ASCL5: variants seen among roughly 807,000 people sequenced by gnomAD.
ASCL5 encodes achaete-scute family bHLH transcription factor 5.
For synonymous variants in ASCL5, 124 were observed against 131.5 expected, an observed-to-expected ratio of 0.94 and a Z score of 0.39; for missense variants, 262 against 268.9, an observed-to-expected ratio of 0.97 and a Z score of 0.18.
rs550886956 is a variant in ASCL5, at chr1:201,125,105, C to A, written c.-506+1979G>T. ...CTGAGAATCCTGGCTTTGCCACTTC[C>A]CAGCTATATGACTTTGAGCAGGCCT... On this transcript the variant is annotated intron_variant, in intron 1 of 1. Transcript: ENST00000449188. 9.8e-5 allele frequency among the ~76,000 whole-genome samples: 15 copies of A among 152,364 alleles called. No individual in the cohort carries two copies. The South Asian group carries it at 3.1e-3, about 32-fold the overall frequency.
At chr1:201,119,114 T>C (rs1451451137) in intron 1 of ASCL5, among the ~76,000 whole-genome samples, 1 of 152,248 alleles carries the variant, frequency 6.6e-6, no homozygotes, top group Non-Finnish European at 1.5e-5. Flanking sequence ...GATGTCCCGC[T>C]GAAGATTCCA....
chr1:201,125,673 G>A lies in ASCL5; in HGVS notation c.-506+1411C>T, dbSNP rs561717856. 1.2e-4 allele frequency among the ~76,000 whole-genome samples: 18 copies of A among 152,238 alleles called. No individual in the cohort carries two copies. In the East Asian group the frequency reaches 3.3e-3, roughly 28 times the overall value. On this transcript the variant is annotated intron_variant, in intron 1 of 1. Transcript: ENST00000449188. ...TGTGTCTTGCTCTTTCAAGGAGCAG[G>A]AGTTCCTTGAAGGGCAGGAACCTCA...
At position 201,115,189 on chromosome 1, in the gene ASCL5, C is replaced by T. The variant is rs1572083437; in HGVS notation, c.184G>A (p.Gly62Arg). The change falls in exon 2 of 2, where the codon GGG becomes AGG. Residue 62 changes from glycine (G) to arginine (R), a missense_variant. Transcript: ENST00000449188. The stretch of plus-strand genomic sequence containing the variant: ...GGGAAGGGCACGTAGGGGAACACCC[C>T]CGCATAGGCGTCGTAGTAGGGCGGC... The part of the protein sequence containing the change: ...AEPPYYDAYA[G>R]VFPYVPFPGA... The T allele has an allele frequency of 8.1e-7, 1 of 1,231,652 alleles. No homozygotes were observed. Among genetic ancestry groups the T allele is most frequent in the Non-Finnish European group, 1.0e-6 (1 of 987,950 alleles). The allele number at this position is 1,231,652 out of a possible 1,614,324, so 76.3% of individuals were successfully genotyped here.
chr1:201,115,454 G>T lies in ASCL5; in HGVS notation c.-82C>A, dbSNP rs760046538. On this transcript the variant is annotated 5_prime_UTR_variant, in exon 2 of 2. Coordinates refer to ENST00000449188, the MANE Select transcript of ASCL5 (RefSeq NM_001270601.2). ...GGTCTGCACCGTCTCCACCAGTGGG[G>T]CAAGTCACATCGCTAGCAGCAGCTC... The T allele has an allele frequency of 2.0e-5, 23 of 1,145,248 alleles. No homozygotes were observed. Among genetic ancestry groups the T allele is most frequent in the Non-Finnish European group, 2.5e-5 (23 of 909,682 alleles). 70.9% of individuals were successfully genotyped at this position (1,145,248 alleles called of 1,614,324 possible).
At chr1:201,124,819 C>A (rs914221496) in intron 1 of ASCL5, among the ~76,000 whole-genome samples, 3 of 152,200 alleles carry the variant, frequency 2.0e-5, no homozygotes, top group Non-Finnish European at 4.4e-5. Flanking sequence ...CTGCAGCCCC[C>A]ACTCCACAGG....
intron 1 of ASCL5, among the ~76,000 whole-genome samples, chr1:201,124,922 G>T (rs888440700): frequency 4.6e-5 from 7 of 152,202 alleles, no homozygotes; most frequent in Admixed American, 3.3e-4. Context: ...CCTCCTGGTG[G>T]CTGAGGCCCT....
rs963919188 is a variant in ASCL5 at position 201,115,020 on chromosome 1, C to T, written c.353G>A (p.Arg118Gln). 1 of 1,231,754 alleles carries T rather than the reference C, an allele frequency of 8.1e-7. No individual in the cohort carries two copies. Among genetic ancestry groups the T allele is most frequent in the African/African-American group, 1.6e-5 (1 of 64,428 alleles). The allele number at this position is 1,231,754 out of a possible 1,614,324, so 76.3% of individuals were successfully genotyped here. ...GHLPGALAEKRLSKVETLRAA... is the reference protein window; with the variant it reads ...GHLPGALAEKQLSKVETLRAA... ...GCGCAGCGTCTCCACCTTGCTGAGT[C>T]GCTTCTCAGCCAGGGCGCCGGGGAG... The change falls in exon 2 of 2, where the codon CGA (arginine) becomes CAA (glutamine). Residue 118 changes from arginine (R) to glutamine (Q), a missense_variant. Transcript: ENST00000449188.
chr1:201,114,833 G>A lies in ASCL5; in HGVS notation c.540C>T (p.Pro180=), dbSNP rs1235687714. The part of the protein sequence containing the change: ...DRPGDGEARA[P]SSLVPESSES... ...CGGATGACTCCGGCACCAGGGAGGA[G>A]GGCGCCCGGGCCTCGCCGTCGCCAG... Residue 180 remains proline, a synonymous_variant, in exon 2 of 2, where the codon CCC becomes CCT. Transcript: ENST00000449188. The A allele has an allele frequency of 9.8e-6, 12 of 1,230,260 alleles. No homozygotes were observed. Among genetic ancestry groups the A allele is most frequent in the African/African-American group, 7.8e-5 (5 of 64,316 alleles). The allele number at this position is 1,230,260 out of a possible 1,614,324, so 76.2% of individuals were successfully genotyped here.
At chr1:201,120,528 G>T (rs1159717841) in intron 1 of ASCL5, among the ~76,000 whole-genome samples, 2 of 152,130 alleles carry the variant, frequency 1.3e-5, no homozygotes, top group African/African-American at 2.4e-5. Flanking sequence ...CCCAACCCAG[G>T]CTGTAAACTG....
chr1:201,124,579 A>T (rs1663545042), intron 1 of ASCL5, among the ~76,000 whole-genome samples: 1 of 152,262 alleles, frequency 6.6e-6, no homozygotes, highest in Non-Finnish European at 1.5e-5. Context: ...TAGGGGCCAC[A>T]GAACAAAAGT....
chr1:201,116,740 C>G (rs1663355706), intron 1 of ASCL5, among the ~76,000 whole-genome samples: 1 of 152,138 alleles, frequency 6.6e-6, no homozygotes, highest in Non-Finnish European at 1.5e-5. Context: ...AAGTTAGGTG[C>G]CATTTTGTCT....
In ASCL5 at chr1:201,115,523, T is replaced by C; in HGVS notation, c.-151A>G. 1 of 502,338 alleles carries C rather than the reference T, an allele frequency of 2.0e-6. No homozygotes were observed. Among genetic ancestry groups the C allele is most frequent in the Non-Finnish European group, 3.1e-6 (1 of 322,376 alleles). The allele number at this position is 502,338 out of a possible 1,614,324, so 31.1% of individuals were successfully genotyped here. On this transcript the variant is annotated 5_prime_UTR_variant, in exon 2 of 2. Coordinates refer to ENST00000449188, the MANE Select transcript of ASCL5 (RefSeq NM_001270601.2). ...TAGGGCCTCTTTTCGCCCTTTAGGG[T>C]GGCTTCCAATGACTCCCTAACAAGA...
intron 1 of ASCL5, among the ~76,000 whole-genome samples, chr1:201,122,025 A>G (rs1663472595): frequency 6.6e-6 from 1 of 152,178 alleles, no homozygotes; most frequent in African/African-American, 2.4e-5. Flanking sequence ...TAGTTTCAAC[A>G]CTGATGGGAG....
chr1:201,125,044 C>T lies in ASCL5; in HGVS notation c.-506+2040G>A, dbSNP rs536925162. 2.0e-3 allele frequency among the ~76,000 whole-genome samples: 307 copies of T among 152,350 alleles called. 1 individual carries two copies. Among genetic ancestry groups the T allele is most frequent in the African/African-American group, 7.0e-3 (290 of 41,580 alleles). On this transcript the variant is annotated intron_variant, in intron 1 of 1. Transcript: ENST00000449188. ...GCTCTCTGAACTTGTCATACGTTGG[C>T]TTACGACCAGGGACTCTGGAGCCAG...
rs763430767 is a variant in ASCL5 at position 201,115,698 on chromosome 1, C to T, written c.-326G>A. 80 of 190,336 alleles carry T rather than the reference C, an allele frequency of 4.2e-4. No individual in the cohort carries two copies. Among genetic ancestry groups the T allele is most frequent in the African/African-American group, 1.8e-3 (76 of 43,082 alleles). 11.8% of individuals were successfully genotyped at this position (190,336 alleles called of 1,614,324 possible). A position where few individuals can be genotyped will look rare whatever the true frequency, so the allele number is the denominator to read the frequency against. ...ACAGACCCGCCCACCCTGCCTCTTG[C>T]TGCCACCCAACATGGGCACCTCAGG... is the stretch of plus-strand genomic sequence containing the variant. On this transcript the variant is annotated 5_prime_UTR_variant, in exon 2 of 2. Coordinates refer to ENST00000449188, the MANE Select transcript of ASCL5 (RefSeq NM_001270601.2).
Position 201,115,334 on chromosome 1 carries a change from C to G in ASCL5, c.39G>C (p.Arg13Ser). ...GCATGCAGCTGGGGGGCCCCAGAGG[C>G]CTCCGGTCCACCAGAGCCCGGCAGA... ...NNFCRALVDR[R>S]PLGPPSCMQL... Residue 13 changes from arginine (R) to serine (S), a missense_variant, in exon 2 of 2, where the codon AGG (arginine) becomes AGC (serine). Transcript: ENST00000449188. The G allele has an allele frequency of 8.1e-7, 1 of 1,231,402 alleles. No homozygotes were observed. The highest frequency in any genetic ancestry group is 1.0e-6 in the Non-Finnish European group (1 of 987,740). The allele number at this position is 1,231,402 out of a possible 1,614,324, so 76.3% of individuals were successfully genotyped here.
intron 1 of ASCL5, among the ~76,000 whole-genome samples, chr1:201,118,952 C>A (rs1231680730): frequency 6.6e-6 from 1 of 152,204 alleles, no homozygotes; most frequent in Non-Finnish European, 1.5e-5. Context: ...TAATCCACCA[C>A]CTCAGTTTCC....
intron 1 of ASCL5, among the ~76,000 whole-genome samples, chr1:201,121,021 C>T (rs1405420157): frequency 6.6e-6 from 1 of 152,242 alleles, no homozygotes; most frequent in Non-Finnish European, 1.5e-5. Flanking sequence ...ATTCCCCTGC[C>T]TCCAGGCAAG....
At chr1:201,121,913 C>A (rs6413915) in intron 1 of ASCL5, among the ~76,000 whole-genome samples, 81,176 of 151,948 alleles carry the variant, frequency 0.53, 23,718 homozygotes, top group African/African-American at 0.77. Flanking sequence ...ATAACCTGTA[C>A]ATATTTCTAG....
Sources: gnomAD v4.1 joint callset for allele counts (sites outside exome capture counted in the v4.1 genomes callset) on GRCh38, gnomAD v4.1.1 for gene constraint, MANE v1.5 for transcripts, NCBI Gene and HGNC (gene_info 2026-07-23, HGNC 2026-07-21) for gene names.